The following TIA1 variants were observed in gnomAD, a reference collection of about 807,000 sequenced individuals.
TIA1 encodes the protein cytotoxic granule associated RNA binding protein TIA1.
In TIA1, 23 loss-of-function variants were observed where a neutral mutation model predicts 65.9. The observed-to-expected ratio is 0.35, with a 90% CI of 0.25 to 0.49. The LOEUF is 0.49. TIA1 is among the 20% of genes least tolerant of loss of function. TIA1 has a pLI of 0.98. For synonymous variants in TIA1, 147 were observed against 149.4 expected (o/e 0.98, Z 0.12); for missense variants, 371 against 477.9 (o/e 0.78, Z 2.09).
intron 4 of TIA1, 54 bp from the exon 5 acceptor site, chr2:70,229,145 T>C (rs1047228290): frequency 1.9e-6 from 3 of 1,608,788 alleles, no homozygotes; most frequent in Non-Finnish European, 2.6e-6. Flanking sequence ...ACACATTCAA[T>C]CATATCTTAG....
chr2:70,224,580 C>T lies in TIA1; in HGVS notation c.448G>A (p.Gly150Ser). Residue 150 changes from glycine to serine, a missense_variant, in exon 7 of 13, where the codon GGC becomes AGC. Coordinates refer to ENST00000433529, the MANE Select transcript of TIA1 (RefSeq NM_022173.4). ...CATTTGTTGAAAAAGGAGACAAAGC[C>T]ATATCCCTTAGACTTTCCTGTTGCC... ...DMATGKSKGY[G>S]FVSFFNKWDA... 1 of 1,614,004 alleles carries T rather than the reference C, an allele frequency of 6.2e-7. No homozygotes were observed. Among genetic ancestry groups the T allele is most frequent in the African/African-American group, 1.3e-5 (1 of 75,024 alleles).
intron 2 of TIA1, among the ~76,000 whole-genome samples, chr2:70,233,489 C>A (rs972603014): frequency 1.3e-5 from 2 of 152,156 alleles, no homozygotes; most frequent in Admixed American, 6.5e-5. Flanking sequence ...TCACTTGCGG[C>A]TGGCTGTGGT....
At chr2:70,217,623 T>G (rs1229178270) in intron 7 of TIA1, among the ~76,000 whole-genome samples, 2 of 152,122 alleles carry the variant, frequency 1.3e-5, no homozygotes, top group East Asian at 3.9e-4. Flanking sequence ...GGTCTCGATC[T>G]CCTGACCTCG....
intron 7 of TIA1, among the ~76,000 whole-genome samples, chr2:70,220,138 C>T (rs897268796): frequency 4.6e-5 from 7 of 151,950 alleles, no homozygotes; most frequent in South Asian, 4.2e-4. Flanking sequence ...AGACTGGGCA[C>T]GGTGGCTCAC....
At chr2:70,237,734 C>T (rs1689638817) in intron 1 of TIA1, among the ~76,000 whole-genome samples, 1 of 151,100 alleles carries the variant, frequency 6.6e-6, no homozygotes, top group Non-Finnish European at 1.5e-5. Context: ...CGTGGTGGCG[C>T]CTGCCTGTAA....
rs934304201 is a variant in TIA1 at position 70,215,225 on chromosome 2, A to G, written c.888+146T>C. On this transcript the variant is annotated intron_variant, in intron 11 of 12. Coordinates refer to ENST00000433529, the MANE Select transcript of TIA1 (RefSeq NM_022173.4). ...TCACCACTGCAATCCATGAAACACC[A>G]TTCTGGAACTATAATACATGTAGGA... 6.0e-6 allele frequency: 6 copies of G among 1,004,816 alleles called. No homozygotes were observed. In the African/African-American group the frequency reaches 9.9e-5, roughly 17 times the overall value. 62.2% of individuals were successfully genotyped at this position (1,004,816 alleles called of 1,614,324 possible). A position where few individuals can be genotyped will look rare whatever the true frequency, so the allele number is the denominator to read the frequency against.
intron 5 of TIA1, chr2:70,228,451 A>G: frequency 7.8e-7 from 1 of 1,282,706 alleles, no homozygotes; most frequent in Non-Finnish European, 1.0e-6. Context: ...TCCATGTGCA[A>G]GTGAACTAAG....
At chr2:70,228,863 G>T in intron 5 of TIA1, 196 bp downstream of exon 5, 1 of 1,437,184 alleles carries the variant, frequency 7.0e-7, no homozygotes, top group Non-Finnish European at 9.1e-7. Context: ...GGGTCAGAAA[G>T]CTTGAACTAG....
rs553661241 is a variant in TIA1 at position 70,209,852 on chromosome 2, T to C, written c.*2867A>G. ...CACTGTACAGCACTTAGTAAACCTGTCTTTGTACATGCAATCTAGTTCTTA... is the reference window on the plus strand; with the variant it reads ...CACTGTACAGCACTTAGTAAACCTGCCTTTGTACATGCAATCTAGTTCTTA... On this transcript the variant is annotated 3_prime_UTR_variant, in exon 13 of 13. Transcript: ENST00000433529. 4 of 397,124 alleles carry C rather than the reference T, an allele frequency of 1.0e-5. No homozygotes were observed. Among genetic ancestry groups the C allele is most frequent in the African/African-American group, 6.2e-5 (3 of 48,742 alleles). The allele number at this position is 397,124 out of a possible 1,614,324, so 24.6% of individuals were successfully genotyped here.
chr2:70,247,799 G>C (rs190203561), intron 1 of TIA1, among the ~76,000 whole-genome samples: 83 of 152,260 alleles, frequency 5.5e-4, no homozygotes, highest in African/African-American at 1.9e-3. Context: ...TGTCTGGTTA[G>C]GCTTTTTGGT....
chr2:70,224,209 C>T lies in TIA1; in HGVS notation c.474+345G>A, dbSNP rs139151542. ...TTGGGATTACAGGTGTGAGCCACTG[C>T]GTCCGGCCTCCTCACAGTATTTTAT... On this transcript the variant is annotated intron_variant, in intron 7 of 12. Coordinates refer to ENST00000433529, the MANE Select transcript of TIA1 (RefSeq NM_022173.4). Among the ~76,000 whole-genome samples, 44 of 152,320 alleles carry T rather than the reference C, an allele frequency of 2.9e-4. No individual in the cohort carries two copies. In the East Asian group the frequency reaches 3.9e-3, roughly 13 times the overall value.
chr2:70,236,223 A>T (rs1233811347), intron 1 of TIA1, 48 bp from the exon 2 acceptor site: 4 of 1,243,464 alleles, frequency 3.2e-6, no homozygotes, highest in Non-Finnish European at 4.7e-6. Flanking sequence ...TTTGAGACAG[A>T]GTTTCACTCT....
At chr2:70,223,690 A>C (rs1682541303) in intron 7 of TIA1, among the ~76,000 whole-genome samples, 1 of 151,982 alleles carries the variant, frequency 6.6e-6, no homozygotes, top group African/African-American at 2.4e-5. Flanking sequence ...CTGGGATTAC[A>C]GGTGTGAGCC....
intron 11 of TIA1, 194 bp downstream of exon 11, chr2:70,215,177 T>A (rs911194706): frequency 3.2e-6 from 2 of 626,094 alleles, no homozygotes; most frequent in East Asian, 3.0e-5. Context: ...CATGAGTCAA[T>A]TGAGGCGGTC....
At chr2:70,217,714 A>G (rs1446911575) in intron 7 of TIA1, among the ~76,000 whole-genome samples, 1 of 151,850 alleles carries the variant, frequency 6.6e-6, no homozygotes, top group East Asian at 1.9e-4. Flanking sequence ...CAAACTTCTG[A>G]CCTCAAGTGA....
intron 6 of TIA1, among the ~76,000 whole-genome samples, chr2:70,226,229 TAA>T (rs1683741023): frequency 6.6e-6 from 1 of 152,108 alleles, no homozygotes; most frequent in African/African-American, 2.4e-5. Context: ...GAAATATATT[TAA>T]GAGAAAAAAA....
chr2:70,248,593 A>G lies in TIA1; in HGVS notation c.-163T>C, dbSNP rs943213459. On this transcript the variant is annotated 5_prime_UTR_variant, in exon 1 of 13. Transcript: ENST00000433529. Reference sequence around the variant, plus strand: ...GCAATTACACTAAACCGCCCGGCCCAGCGGGAACAATGAAACCCCAATACA... The same window carrying G: ...GCAATTACACTAAACCGCCCGGCCCGGCGGGAACAATGAAACCCCAATACA... The G allele has an allele frequency of 6.0e-6, 6 of 998,356 alleles. No individual in the cohort carries two copies. Among genetic ancestry groups the G allele is most frequent in the Non-Finnish European group, 9.1e-6 (6 of 662,174 alleles). The allele number at this position is 998,356 out of a possible 1,614,324, so 61.8% of individuals were successfully genotyped here.
intron 2 of TIA1, among the ~76,000 whole-genome samples, chr2:70,233,891 T>A (rs927510199): frequency 1.3e-5 from 2 of 152,164 alleles, no homozygotes; most frequent in Non-Finnish European, 2.9e-5. Flanking sequence ...ATACATATTA[T>A]CAGTCCAGGG....
At chr2:70,228,263 AG>A in intron 5 of TIA1, 1 of 1,147,418 alleles carries the variant, frequency 8.7e-7, no homozygotes, top group Non-Finnish European at 1.1e-6. Flanking sequence ...GATTTGCCTC[AG>A]TTAACACAAT....
Sources: gnomAD v4.1 joint callset for allele counts (sites outside exome capture counted in the v4.1 genomes callset) on GRCh38, gnomAD v4.1.1 for gene constraint, MANE v1.5 for transcripts, NCBI Gene and HGNC (gene_info 2026-07-23, HGNC 2026-07-21) for gene names.